The following SNTG1 variants were observed in gnomAD, a reference collection of about 807,000 sequenced individuals.
The protein encoded by SNTG1 is gamma-1-syntrophin.
In SNTG1, 39 loss-of-function variants were observed where a neutral mutation model predicts 74.7. The ratio of observed to expected loss-of-function variants is 0.52; its 90% CI spans 0.40 to 0.68. The LOEUF is 0.68. SNTG1 is among the 30% of genes least tolerant of loss of function. The pLI is 0.00. For synonymous variants in SNTG1, 254 were observed against 217.1 expected, an observed-to-expected ratio of 1.17 and a Z score of -1.49; for missense variants, 685 against 609.5, an observed-to-expected ratio of 1.12 and a Z score of -1.30.
intron 2 of SNTG1, among the ~76,000 whole-genome samples, chr8:50,176,823 A>G (rs1209930501): frequency 2.0e-5 from 3 of 152,222 alleles, no homozygotes; most frequent in African/African-American, 4.8e-5. Context: ...ACTTAAAAAT[A>G]GTCCCTTTTA....
At chr8:50,057,808 G>A (rs756250997) in intron 1 of SNTG1, among the ~76,000 whole-genome samples, 2 of 152,020 alleles carry the variant, frequency 1.3e-5, no homozygotes, top group East Asian at 1.9e-4. Context: ...CTTGGATGTC[G>A]TTATAGGAAT....
rs368090496 is a variant in SNTG1, at chr8:50,465,285, T to G, written c.363+14556T>G. Reference sequence around the variant, plus strand: ...GTACAGCAGTATCAGAATAAGCCACTCCACAATGGGAAACAATTTTATCAG... The same window carrying G: ...GTACAGCAGTATCAGAATAAGCCACGCCACAATGGGAAACAATTTTATCAG... On this transcript the variant is annotated intron_variant, in intron 8 of 18. Transcript: ENST00000642720. Among the ~76,000 whole-genome samples, 13 of 152,172 alleles carry G rather than the reference T, an allele frequency of 8.5e-5. No individual in the cohort carries two copies. In the East Asian group the frequency reaches 2.3e-3, roughly 27 times the overall value.
At chr8:50,237,532 T>G (rs2085968942) in intron 2 of SNTG1, among the ~76,000 whole-genome samples, 1 of 152,166 alleles carries the variant, frequency 6.6e-6, no homozygotes, top group African/African-American at 2.4e-5. Flanking sequence ...TTCATGTAAC[T>G]TGAAAAACAG....
chr8:50,036,200 A>G (rs1818146287), intron 1 of SNTG1, among the ~76,000 whole-genome samples: 1 of 152,186 alleles, frequency 6.6e-6, no homozygotes, highest in African/African-American at 2.4e-5. Flanking sequence ...TTTGACATAC[A>G]TTATCTCTCT....
intron 1 of SNTG1, among the ~76,000 whole-genome samples, chr8:49,949,533 A>G (rs1478729880): frequency 6.6e-6 from 1 of 152,158 alleles, no homozygotes; most frequent in African/African-American, 2.4e-5. Flanking sequence ...TTTGGAGTGA[A>G]CTTTATTAAT....
At position 50,364,114 on chromosome 8, in the gene SNTG1, C is replaced by T. The variant is rs370764506; in HGVS notation, c.-27-30098C>T. Among the ~76,000 whole-genome samples the T allele has an allele frequency of 1.0e-3, 155 of 152,196 alleles. 1 individual carries two copies. The highest frequency in any genetic ancestry group is 3.3e-3 in the African/African-American group (137 of 41,516). On this transcript the variant is annotated intron_variant, in intron 2 of 18. Transcript: ENST00000642720. ...TTACATAGACAATAGATCATATCAT[C>T]GGCCATTGGTGATTAATTCAGTCTC... is the stretch of plus-strand genomic sequence containing the variant.
chr8:49,910,299 C>G (rs115846012), upstream of SNTG1, among the ~76,000 whole-genome samples: 2,018 of 152,178 alleles, frequency 0.013, 46 homozygotes, highest in African/African-American at 0.044. Context: ...CCCGGACCCC[C>G]GTCCCCACCA....
chr8:49,961,731 T>G (rs1810701730), intron 1 of SNTG1, among the ~76,000 whole-genome samples: 1 of 152,172 alleles, frequency 6.6e-6, no homozygotes, highest in African/African-American at 2.4e-5. Flanking sequence ...GAGGCAGCTA[T>G]TTGTTGAAAT....
intron 15 of SNTG1, among the ~76,000 whole-genome samples, chr8:50,698,486 G>T (rs1408352384): frequency 1.3e-5 from 2 of 152,112 alleles, no homozygotes; most frequent in Non-Finnish European, 2.9e-5. Context: ...GGGGAAGGGG[G>T]TGAAGTGAAA....
In SNTG1 at chr8:50,057,785, T is replaced by C. The variant is rs75449929; in HGVS notation, c.-102-114776T>C. Reference sequence around the variant, plus strand: ...TGCTCAACAGGACTTGGTTAGGCCCTTTCATGTCAGCACTTGGATGTCGTT... The same window carrying C: ...TGCTCAACAGGACTTGGTTAGGCCCCTTCATGTCAGCACTTGGATGTCGTT... On this transcript the variant is annotated intron_variant, in intron 1 of 18. Coordinates refer to ENST00000642720, the MANE Select transcript of SNTG1 (RefSeq NM_018967.5). Among the ~76,000 whole-genome samples, 292 of 152,198 alleles carry C rather than the reference T, an allele frequency of 1.9e-3. 5 individuals are homozygous for C. In the East Asian group the frequency reaches 0.048, roughly 25 times the overall value.
intron 15 of SNTG1, among the ~76,000 whole-genome samples, chr8:50,700,686 T>C (rs111362975): frequency 6.8e-5 from 9 of 132,858 alleles, no homozygotes; most frequent in South Asian, 2.6e-4. Flanking sequence ...ACTTTCCCCC[T>C]CCTACTTTCC....
At chr8:49,930,097 C>T (rs1301375329) in intron 1 of SNTG1, among the ~76,000 whole-genome samples, 2 of 151,860 alleles carry the variant, frequency 1.3e-5, no homozygotes, top group Admixed American at 6.6e-5. Context: ...CAGACTGCTT[C>T]GAAAACAATT....
chr8:50,169,377 C>T (rs919175383), intron 1 of SNTG1, among the ~76,000 whole-genome samples: 6 of 152,304 alleles, frequency 3.9e-5, no homozygotes, highest in Middle Eastern at 3.4e-3. Context: ...AAATGAAGTT[C>T]GACTTCTGCT....
chr8:50,104,088 G>A (rs915376028), intron 1 of SNTG1, among the ~76,000 whole-genome samples: 1 of 152,262 alleles, frequency 6.6e-6, no homozygotes, highest in East Asian at 1.9e-4. Context: ...AATGAGTTAG[G>A]GAGGAGTCCC....
At position 50,407,346 on chromosome 8, in the gene SNTG1, T is replaced by C. The variant is rs1195093594; in HGVS notation, c.162+5002T>C. Among the ~76,000 whole-genome samples the C allele has an allele frequency of 3.9e-5, 6 of 152,284 alleles. No individual in the cohort carries two copies. The East Asian group carries it at 1.2e-3, about 29-fold the overall frequency. ...AACCATAGGCAAGGATGCTATTTTG[T>C]TATCTAGAAGCAATGCTCTGAAGTC... On this transcript the variant is annotated intron_variant, in intron 4 of 18. Transcript: ENST00000642720.
rs182176380 is a variant in SNTG1 at position 50,036,894 on chromosome 8, A to G, written c.-103+124663A>G. Reference sequence around the variant, plus strand: ...CTAGCTGACACTCTTTTGGGATTACACACTTAAGAAATATACAAGACCTTA... The same window carrying G: ...CTAGCTGACACTCTTTTGGGATTACGCACTTAAGAAATATACAAGACCTTA... On this transcript the variant is annotated intron_variant, in intron 1 of 18. Coordinates refer to ENST00000642720, the MANE Select transcript of SNTG1 (RefSeq NM_018967.5). Among the ~76,000 whole-genome samples the G allele has an allele frequency of 2.3e-3, 346 of 152,334 alleles. 4 individuals carry two copies. Among genetic ancestry groups the G allele is most frequent in the East Asian group, 5.8e-4 (3 of 5,186 alleles).
chr8:50,386,055 G>A (rs1045297646), intron 2 of SNTG1, among the ~76,000 whole-genome samples: 1 of 152,170 alleles, frequency 6.6e-6, no homozygotes, highest in East Asian at 1.9e-4. Context: ...TAAGTTAAAG[G>A]TAGTTCTAAT....
At chr8:50,389,201 A>T (rs955993096) in intron 2 of SNTG1, among the ~76,000 whole-genome samples, 4 of 152,214 alleles carry the variant, frequency 2.6e-5, no homozygotes, top group African/African-American at 9.6e-5. Context: ...AGTGCAGTCT[A>T]TATGAATGAA....
intron 9 of SNTG1, among the ~76,000 whole-genome samples, chr8:50,526,630 A>ACACAC (rs2094221956): frequency 2.4e-5 from 3 of 127,208 alleles, no homozygotes; most frequent in African/African-American, 9.2e-5. Flanking sequence ...TGTATACACA[A>ACACAC]ACACATATAT....
Sources: gnomAD v4.1 joint callset for allele counts (sites outside exome capture counted in the v4.1 genomes callset) on GRCh38, gnomAD v4.1.1 for gene constraint, MANE v1.5 for transcripts, NCBI Gene and HGNC (gene_info 2026-07-23, HGNC 2026-07-21) for gene names.